ECHDC1: variants seen among roughly 807,000 people sequenced by gnomAD.
ECHDC1 encodes ethylmalonyl-CoA decarboxylase.
In ECHDC1, 29 loss-of-function variants were observed where a neutral mutation model predicts 29.7. The ratio of observed to expected loss-of-function variants is 0.98; its 90% CI spans 0.73 to 1.33. The LOEUF (loss-of-function observed/expected upper bound fraction) is 1.33. Among genes scored for constraint, ECHDC1 ranks in the 40% most tolerant of loss-of-function variants. The pLI is 0.00. For missense variants in ECHDC1, 328 were observed against 350.0 expected, an observed-to-expected ratio of 0.94 and a Z score of 0.50; for synonymous variants, 126 against 123.1, an observed-to-expected ratio of 1.02 and a Z score of -0.15.
At chr6:127,324,245 A>G (rs1422191557) in intron 3 of ECHDC1, among the ~76,000 whole-genome samples, 7 of 152,166 alleles carry the variant, frequency 4.6e-5, no homozygotes, top group Admixed American at 2.0e-4. Flanking sequence ...TATCATCTTA[A>G]TATTACTAAT....
intron 3 of ECHDC1, among the ~76,000 whole-genome samples, chr6:127,321,573 G>A (rs576572864): frequency 2.0e-5 from 3 of 152,232 alleles, no homozygotes; most frequent in South Asian, 2.1e-4. Flanking sequence ...TACTTTATAT[G>A]TATTGTTACA....
intron 5 of ECHDC1, among the ~76,000 whole-genome samples, chr6:127,309,968 T>C (rs9285459): frequency 0.73 from 110,975 of 151,910 alleles, 40,708 homozygotes; most frequent in East Asian, 0.78. Context: ...CACCAGACCC[T>C]TCCTCCAAAA....
intron 3 of ECHDC1, 51 bp from the exon 4 acceptor site, chr6:127,316,553 A>C: frequency 1.4e-6 from 2 of 1,470,204 alleles, no homozygotes; most frequent in Non-Finnish European, 1.8e-6. Context: ...AATATATTAC[A>C]TTAAATTTTT....
At position 127,319,085 on chromosome 6, in the gene ECHDC1, G is replaced by A. The variant is rs548002386; in HGVS notation, c.364-2583C>T. On this transcript the variant is annotated intron_variant, in intron 3 of 5. Transcript: ENST00000454859. ...AGTATCTAGAATTGGTAGAAATAAA[G>A]GTGAAGCAAATTATTAGCCTGTGTA... Among the ~76,000 whole-genome samples the A allele has an allele frequency of 8.5e-5, 13 of 152,268 alleles. 1 individual carries two copies. The South Asian group carries it at 2.7e-3, about 32-fold the overall frequency.
Position 127,289,881 on chromosome 6 carries a change from T to C in ECHDC1, c.894A>G (p.Lys298=). The change falls in exon 6 of 6, where the codon AAA becomes AAG. Residue 298 remains lysine (K), a synonymous_variant. Coordinates refer to ENST00000454859, the MANE Select transcript of ECHDC1 (RefSeq NM_001002030.2). ...ANLEAIAKKG[K]FNK ...CACGAAAAACCAATTATTTATTAAA[T>C]TTTCCTTTCTTAGCAATAGCCTCTA... The C allele has an allele frequency of 1.2e-6, 2 of 1,605,838 alleles. No individual in the cohort carries two copies. The highest frequency in any genetic ancestry group is 8.5e-7 in the Non-Finnish European group (1 of 1,176,440).
intron 1 of ECHDC1, among the ~76,000 whole-genome samples, chr6:127,338,141 T>A (rs1454600358): frequency 2.0e-5 from 3 of 152,218 alleles, no homozygotes; most frequent in African/African-American, 7.2e-5. Context: ...GATCCAAGTG[T>A]ATAGACATAT....
intron 2 of ECHDC1, among the ~76,000 whole-genome samples, chr6:127,330,594 A>T (rs1356397153): frequency 2.0e-5 from 3 of 152,324 alleles, no homozygotes; most frequent in African/African-American, 7.2e-5. Context: ...TGTATTAATG[A>T]GTTTTCTGAA....
At chr6:127,308,723 T>G (rs1001317596) in intron 5 of ECHDC1, among the ~76,000 whole-genome samples, 3 of 152,176 alleles carry the variant, frequency 2.0e-5, no homozygotes, top group African/African-American at 7.2e-5. Flanking sequence ...TTATCCTTGT[T>G]TGTAGATTAT....
intron 5 of ECHDC1, among the ~76,000 whole-genome samples, chr6:127,302,881 G>C (rs1329245800): frequency 6.6e-6 from 1 of 152,010 alleles, no homozygotes; most frequent in Non-Finnish European, 1.5e-5. Context: ...CTTCCTCTTC[G>C]CAGAATAAAA....
chr6:127,330,355 A>G (rs535071790), intron 2 of ECHDC1, among the ~76,000 whole-genome samples: 6 of 152,358 alleles, frequency 3.9e-5, no homozygotes, highest in Non-Finnish European at 8.8e-5. Flanking sequence ...CCATGGAATT[A>G]AAAGGTTAAA....
chr6:127,288,765 T>G lies in ECHDC1; in HGVS notation c.*1104A>C, dbSNP rs574056227. On this transcript the variant is annotated 3_prime_UTR_variant, in exon 6 of 6. Transcript: ENST00000454859. ...GGTAGTTTTTACATCTATGGCCAAA[T>G]AGTATTGGGTTGACACAGTAATCTA... 2.0e-5 allele frequency: 3 copies of G among 152,332 alleles called. No individual in the cohort carries two copies. In the South Asian group the frequency reaches 6.2e-4, roughly 32 times the overall value. 9.4% of individuals were successfully genotyped at this position (152,332 alleles called of 1,614,324 possible).
intron 1 of ECHDC1, among the ~76,000 whole-genome samples, chr6:127,335,901 T>A (rs1218117654): frequency 6.6e-6 from 1 of 152,190 alleles, no homozygotes; most frequent in East Asian, 1.9e-4. Flanking sequence ...CATCCTTCCA[T>A]CCCATCACCT....
intron 3 of ECHDC1, among the ~76,000 whole-genome samples, chr6:127,322,424 A>G (rs1001628589): frequency 2.0e-5 from 3 of 152,232 alleles, no homozygotes; most frequent in Non-Finnish European, 1.5e-5. Context: ...AGATGTATAC[A>G]GCAACAAGTG....
At chr6:127,342,229 A>G in intron 1 of ECHDC1, 1 of 955,130 alleles carries the variant, frequency 1.0e-6, no homozygotes, top group Non-Finnish European at 1.5e-6. Flanking sequence ...AGTTCTTCCC[A>G]TTAGTCTTAG....
intron 4 of ECHDC1, chr6:127,315,139 C>T (rs1227219523): frequency 3.1e-6 from 2 of 640,364 alleles, no homozygotes; most frequent in Non-Finnish European, 5.8e-6. Context: ...AAATACCTCC[C>T]TGAATCATTA....
chr6:127,309,060 C>T (rs963329118), intron 5 of ECHDC1, among the ~76,000 whole-genome samples: 62 of 152,008 alleles, frequency 4.1e-4, no homozygotes, highest in Non-Finnish European at 1.3e-4. Flanking sequence ...GTGTAATTCC[C>T]ATCAAAATAC....
At chr6:127,295,227 T>C (rs1396950357) in intron 5 of ECHDC1, among the ~76,000 whole-genome samples, 2 of 152,152 alleles carry the variant, frequency 1.3e-5, no homozygotes, top group Non-Finnish European at 2.9e-5. Flanking sequence ...AAAGGCTACC[T>C]TGTAAGTTCC....
rs570207221 is a variant in ECHDC1 at position 127,313,315 on chromosome 6, C to T, written c.497+1501G>A. 5.3e-5 allele frequency: 11 copies of T among 206,728 alleles called. No individual in the cohort carries two copies. The East Asian group carries it at 1.3e-3, about 24-fold the overall frequency. 12.8% of individuals were successfully genotyped at this position (206,728 alleles called of 1,614,324 possible). A position where few individuals can be genotyped will look rare whatever the true frequency, so the allele number is the denominator to read the frequency against. On this transcript the variant is annotated intron_variant, in intron 5 of 5. Coordinates refer to ENST00000454859, the MANE Select transcript of ECHDC1 (RefSeq NM_001002030.2). The stretch of plus-strand genomic sequence containing the variant: ...ACCTCCCAGGTTCAAGCAATCCTTC[C>T]ACCTCAGACTCCCAAGTTGTAGGAC...
intron 5 of ECHDC1, among the ~76,000 whole-genome samples, chr6:127,299,424 T>C (rs571627676): frequency 6.7e-6 from 1 of 150,248 alleles, no homozygotes; most frequent in African/African-American, 2.4e-5. Context: ...TAGGCTAATG[T>C]GTGTGTTTGT....
Sources: allele counts gnomAD v4.1 joint callset (sites outside exome capture counted in the v4.1 genomes callset), GRCh38; gene constraint gnomAD v4.1.1; transcripts MANE v1.5; gene names NCBI Gene and HGNC (gene_info 2026-07-23, HGNC 2026-07-21).